MGLL: variants seen among roughly 807,000 people sequenced by gnomAD.
The protein encoded by MGLL is lysophospholipase homolog.
A neutral mutation model predicts 29.1 loss-of-function variants in MGLL; 7 were observed. The observed-to-expected ratio is 0.24, with a 90% confidence interval of 0.14 to 0.45. The LOEUF (loss-of-function observed/expected upper bound fraction) is 0.45, where lower values mean the gene tolerates loss of function less well. Ranked by LOEUF, MGLL falls within the 20% of genes least tolerant of loss-of-function variation. The probability of loss-of-function intolerance (pLI) is 0.99; values close to 1 mark genes in which losing one functional copy is unlikely to be tolerated. For synonymous variants in MGLL, 148 were observed against 168.3 expected (o/e 0.88, Z 0.93); for missense variants, 356 against 413.6 (o/e 0.86, Z 1.21).
At chr3:127,746,779 C>T (rs62270466) in intron 3 of MGLL, among the ~76,000 whole-genome samples, 2,434 of 152,292 alleles carry the variant, frequency 0.016, 49 homozygotes, top group South Asian at 0.046. Flanking sequence ...GGTTCCCTGG[C>T]CTTCCAGCCC....
At chr3:127,797,344 G>A (rs775309568) in intron 2 of MGLL, among the ~76,000 whole-genome samples, 15 of 151,950 alleles carry the variant, frequency 9.9e-5, no homozygotes, top group South Asian at 4.2e-4. Flanking sequence ...TTCCTGAGGC[G>A]AATAAGAGAA....
intron 3 of MGLL, among the ~76,000 whole-genome samples, chr3:127,776,895 G>C (rs545538003): frequency 5.3e-5 from 8 of 152,278 alleles, no homozygotes; most frequent in East Asian, 1.9e-4. Context: ...TGATGAGAAG[G>C]GTCTTGGGGG....
intron 5 of MGLL, among the ~76,000 whole-genome samples, chr3:127,716,669 T>C (rs2107615881): frequency 6.6e-6 from 1 of 152,360 alleles, no homozygotes; most frequent in East Asian, 1.9e-4. Flanking sequence ...CCTGTGATCA[T>C]TTCTAAGTGA....
intron 3 of MGLL, among the ~76,000 whole-genome samples, chr3:127,755,093 CG>C (rs35425959): frequency 6.6e-6 from 1 of 152,058 alleles, no homozygotes; most frequent in Non-Finnish European, 1.5e-5. Context: ...CTTGCCATTG[CG>C]GGGGCTGTTC....
Position 127,796,093 on chromosome 3 carries a change from G to A in MGLL, c.156-14198C>T, listed in dbSNP as rs7649891. The stretch of plus-strand genomic sequence containing the variant: ...GAACATTGGAGAAAGCCCCCTCCCC[G>A]CCCCACCACTCTCTGCACAGAGCCC... On this transcript the variant is annotated intron_variant, in intron 2 of 7. Coordinates refer to ENST00000265052, the MANE Select transcript of MGLL (RefSeq NM_007283.7). Among the ~76,000 whole-genome samples the A allele has an allele frequency of 7.6e-3, 1,158 of 152,130 alleles. 17 individuals carry two copies. Among genetic ancestry groups the A allele is most frequent in the African/African-American group, 0.026 (1,096 of 41,486 alleles).
intron 2 of MGLL, among the ~76,000 whole-genome samples, chr3:127,791,897 C>G (rs564841726): frequency 6.6e-6 from 1 of 152,134 alleles, no homozygotes; most frequent in Non-Finnish European, 1.5e-5. Context: ...ATGGTGAAAC[C>G]CCGTCTCTAC....
intron 2 of MGLL, among the ~76,000 whole-genome samples, chr3:127,795,331 T>C (rs1477441477): frequency 6.8e-6 from 1 of 147,680 alleles, no homozygotes; most frequent in Non-Finnish European, 1.5e-5. Context: ...TTCTCACAAG[T>C]GGGAGCTAAG....
chr3:127,773,955 C>A, intron 3 of MGLL, among the ~76,000 whole-genome samples: 1 of 152,194 alleles, frequency 6.6e-6, no homozygotes, highest in African/African-American at 2.4e-5. Context: ...AAAGTCCTCC[C>A]CACACTCCCT....
rs1017644301 is a variant in MGLL at position 127,782,013 on chromosome 3, G to A, written c.156-118C>T. ...GGGCGGGCGGATTGCCTGAGCTCAG[G>A]AGTTTGAGACCAGCCTGACCAACAT... On this transcript the variant is annotated intron_variant, in intron 2 of 7. Transcript: ENST00000265052. The A allele has an allele frequency of 9.0e-6, 8 of 884,386 alleles. No individual in the cohort carries two copies. In the African/African-American group the frequency reaches 1.3e-4, roughly 15 times the overall value. The allele number at this position is 884,386 out of a possible 1,614,324, so 54.8% of individuals were successfully genotyped here.
intron 2 of MGLL, among the ~76,000 whole-genome samples, chr3:127,802,796 T>C (rs2077499581): frequency 6.6e-6 from 1 of 152,238 alleles, no homozygotes; most frequent in African/African-American, 2.4e-5. Flanking sequence ...TATTTGGAAC[T>C]GCCCTTCTGG....
intron 3 of MGLL, among the ~76,000 whole-genome samples, chr3:127,750,155 C>A (rs760618421): frequency 6.6e-6 from 1 of 152,058 alleles, no homozygotes; most frequent in Non-Finnish European, 1.5e-5. Context: ...GACTAGACTG[C>A]GGGGGTGAGG....
chr3:127,804,823 G>C (rs1232191620), intron 2 of MGLL, among the ~76,000 whole-genome samples: 1 of 152,264 alleles, frequency 6.6e-6, no homozygotes, highest in South Asian at 2.1e-4. Context: ...TCCACTGGGG[G>C]TCTGCAGGCA....
chr3:127,818,588 T>G (rs2077803499), intron 2 of MGLL, among the ~76,000 whole-genome samples: 1 of 152,204 alleles, frequency 6.6e-6, no homozygotes, highest in Non-Finnish European at 1.5e-5. Flanking sequence ...TAGGAAATGA[T>G]GTTTACCCTA....
chr3:127,786,534 T>G (rs2107715720), intron 2 of MGLL, among the ~76,000 whole-genome samples: 1 of 152,296 alleles, frequency 6.6e-6, no homozygotes, highest in Non-Finnish European at 1.5e-5. Context: ...ATGGCCTGCC[T>G]GGCATCCAGC....
At chr3:127,779,521 T>C (rs747936313) in intron 3 of MGLL, among the ~76,000 whole-genome samples, 66 of 151,436 alleles carry the variant, frequency 4.4e-4, no homozygotes, top group Non-Finnish European at 3.8e-4. Flanking sequence ...CTTAGAAAAG[T>C]CTAGACAGTT....
At chr3:127,782,090 C>T (rs1163947487) in intron 2 of MGLL, among the ~76,000 whole-genome samples, 195 bp from the exon 3 acceptor site, 1 of 152,184 alleles carries the variant, frequency 6.6e-6, no homozygotes, top group African/African-American at 2.4e-5. Context: ...GGAGTGGTGG[C>T]ATGCGCCTGT....
chr3:127,736,180 A>T (rs2076239224), intron 3 of MGLL: 1 of 968,408 alleles, frequency 1.0e-6, no homozygotes. Flanking sequence ...ACTTCTGCTG[A>T]AATTATTGTT....
At chr3:127,807,364 T>C (rs2077583919) in intron 2 of MGLL, among the ~76,000 whole-genome samples, 1 of 152,192 alleles carries the variant, frequency 6.6e-6, no homozygotes, top group South Asian at 2.1e-4. Flanking sequence ...CTCTCTTTTT[T>C]TCTTGATGAA....
rs149317383 is a variant in MGLL at position 127,710,278 on chromosome 3, G to T, written c.600+298C>A. On this transcript the variant is annotated intron_variant, in intron 6 of 7. Transcript: ENST00000265052. ...CATTCACCACAAAATCCCTGCTTTT[G>T]CTTAAATCACTTTGATGTAGGTTTC... 7.2e-5 allele frequency among the ~76,000 whole-genome samples: 11 copies of T among 152,320 alleles called. No individual in the cohort carries two copies. The East Asian group carries it at 1.5e-3, about 21-fold the overall frequency.
Sources: allele counts gnomAD v4.1 joint callset (sites outside exome capture counted in the v4.1 genomes callset), GRCh38; gene constraint gnomAD v4.1.1; transcripts MANE v1.5; gene names NCBI Gene and HGNC (gene_info 2026-07-23, HGNC 2026-07-21).